The following AFF3 variants were observed in gnomAD, a reference collection of about 807,000 sequenced individuals.
AFF3 encodes the protein ALF transcription elongation factor 3, also known as AF4/FMR2 family member 3.
In AFF3, 32 loss-of-function variants were observed where a neutral mutation model predicts 129.7. The ratio of observed to expected loss-of-function variants is 0.25; its 90% CI spans 0.19 to 0.33. The LOEUF (loss-of-function observed/expected upper bound fraction) is 0.33. Ranked by LOEUF, AFF3 falls within the 10% of genes least tolerant of loss-of-function variation. The pLI is 1.00. For missense variants in AFF3, 1,373 were observed against 1,592.0 expected, an observed-to-expected ratio of 0.86 and a Z score of 2.34; for synonymous variants, 644 against 635.4, an observed-to-expected ratio of 1.01 and a Z score of -0.20.
intron 7 of AFF3, among the ~76,000 whole-genome samples, chr2:99,866,281 A>G (rs1453340760): frequency 1.3e-5 from 2 of 152,230 alleles, no homozygotes; most frequent in African/African-American, 2.4e-5. Context: ...CAAAGCCAAC[A>G]TTGGCAAATT....
chr2:99,934,004 C>G (rs1353872399), intron 7 of AFF3, among the ~76,000 whole-genome samples: 2 of 152,150 alleles, frequency 1.3e-5, no homozygotes, highest in Non-Finnish European at 2.9e-5. Context: ...GCATTACAGG[C>G]TTTGGAGGTA....
intron 1 of AFF3, among the ~76,000 whole-genome samples, chr2:100,131,943 G>C (rs1559139377): frequency 1.3e-5 from 2 of 152,164 alleles, no homozygotes; most frequent in Non-Finnish European, 2.9e-5. Flanking sequence ...GGACATAAAG[G>C]AGTCAGGGTG....
chr2:100,055,020 C>T (rs1686649538), intron 4 of AFF3, among the ~76,000 whole-genome samples: 1 of 152,196 alleles, frequency 6.6e-6, no homozygotes, highest in Non-Finnish European at 1.5e-5. Context: ...TCAATGTAGG[C>T]TGAGATTGCC....
chr2:99,737,701 T>C (rs1380150059), intron 10 of AFF3, among the ~76,000 whole-genome samples: 1 of 151,968 alleles, frequency 6.6e-6, no homozygotes, highest in Non-Finnish European at 1.5e-5. Context: ...TTAATGTCTT[T>C]CAAGTCTGGA....
intron 4 of AFF3, among the ~76,000 whole-genome samples, chr2:100,025,146 C>T (rs1223070626): frequency 6.6e-6 from 1 of 152,016 alleles, no homozygotes; most frequent in Non-Finnish European, 1.5e-5. Flanking sequence ...CTTTCCCTAC[C>T]AGGCTAGGCC....
At position 99,689,069 on chromosome 2, in the gene AFF3, C is replaced by T. The variant is rs571020092; in HGVS notation, c.1092-16480G>A. Among the ~76,000 whole-genome samples, 6 of 152,274 alleles carry T rather than the reference C, an allele frequency of 3.9e-5. No individual in the cohort carries two copies. In the East Asian group the frequency reaches 1.2e-3, roughly 29 times the overall value. ...CAACAAAACTCCTAGCAGTGTCCAT[C>T]TTATTTCTCAAGCTTTTCTTGGAAT... On this transcript the variant is annotated intron_variant, in intron 11 of 24. Transcript: ENST00000672756.
At chr2:99,963,403 A>G (rs1677420103) in intron 7 of AFF3, among the ~76,000 whole-genome samples, 1 of 152,134 alleles carries the variant, frequency 6.6e-6, no homozygotes, top group African/African-American at 2.4e-5. Context: ...GCAGCATCTG[A>G]TGTGGTACAC....
At chr2:100,007,552 G>A in intron 5 of AFF3, 92 bp from the exon 6 acceptor site, 1 of 1,183,722 alleles carries the variant, frequency 8.4e-7, no homozygotes, top group Non-Finnish European at 1.2e-6. Context: ...ACAGAGCCAG[G>A]GTTGTCACAT....
At chr2:99,635,784 C>A (rs982052241) in intron 13 of AFF3, among the ~76,000 whole-genome samples, 1 of 152,118 alleles carries the variant, frequency 6.6e-6, no homozygotes, top group Non-Finnish European at 1.5e-5. Context: ...AGTTTCCCCA[C>A]ATGTAAAATA....
Position 100,062,952 on chromosome 2 carries a change from CAAAAA to C in AFF3, c.53+41445_53+41449del, listed in dbSNP as rs529905991. 1.4e-4 allele frequency among the ~76,000 whole-genome samples: 22 copies of C among 152,150 alleles called. No individual in the cohort carries two copies. In the South Asian group the frequency reaches 4.4e-3, roughly 30 times the overall value. ...AAATAAATAAGTAACAAGTGACTATCAAAAATGACCAGGCAGGGCTGGGTGCAGTG... is the reference window on the plus strand; with the variant it reads ...AAATAAATAAGTAACAAGTGACTATCTGACCAGGCAGGGCTGGGTGCAGTG... On this transcript the variant is annotated intron_variant, in intron 4 of 24. Transcript: ENST00000672756.
chr2:100,060,286 T>A (rs1687163837), intron 4 of AFF3, among the ~76,000 whole-genome samples: 1 of 152,190 alleles, frequency 6.6e-6, no homozygotes, highest in Admixed American at 6.5e-5. Flanking sequence ...GTTACCTCAT[T>A]AGTCACTCAA....
intron 4 of AFF3, among the ~76,000 whole-genome samples, chr2:100,053,233 T>C (rs928143186): frequency 6.6e-6 from 1 of 152,380 alleles, no homozygotes; most frequent in East Asian, 1.9e-4. Context: ...TTGAACTGTG[T>C]TGGGTGTCAG....
intron 2 of AFF3, among the ~76,000 whole-genome samples, chr2:100,127,116 C>A (rs547519412): frequency 6.6e-6 from 1 of 152,224 alleles, no homozygotes; most frequent in South Asian, 2.1e-4. Flanking sequence ...ATTCCATCAT[C>A]TCTAGGAGGT....
chr2:99,733,714 A>C (rs1388887381), intron 10 of AFF3, among the ~76,000 whole-genome samples: 1 of 152,036 alleles, frequency 6.6e-6, no homozygotes, highest in African/African-American at 2.4e-5. Context: ...TTTCTCTATT[A>C]ATCTATATCA....
intron 7 of AFF3, among the ~76,000 whole-genome samples, chr2:99,974,042 T>C (rs375250073): frequency 2.0e-5 from 3 of 152,348 alleles, no homozygotes; most frequent in African/African-American, 7.2e-5. Context: ...TTTTCTGAGC[T>C]GGAAAGGTAA....
chr2:99,643,705 AC>A (rs1558688429), intron 13 of AFF3, among the ~76,000 whole-genome samples: 1 of 151,954 alleles, frequency 6.6e-6, no homozygotes, highest in South Asian at 2.1e-4. Flanking sequence ...GCTGAATCCA[AC>A]CCCCTACACT....
In AFF3 at chr2:99,593,728, C is replaced by A. The variant is rs756370252; in HGVS notation, c.1933G>T (p.Val645Leu). ...ASHRKELRSS[V>L]TCEKRRTRGL... is the part of the protein sequence containing the mutation. The stretch of plus-strand genomic sequence containing the variant: ...CGCGTGCGGCGCTTCTCGCAGGTCA[C>A]GGAGGAGCGCAGCTCCTTGCGGTGG... The change falls in exon 15 of 25, where the codon GTG (valine) becomes TTG (leucine). Residue 645 changes from valine (V) to leucine (L), a missense_variant. Val to Leu is a conservative substitution (Grantham distance 32). This residue lies in a region of AFF3 where 466 missense variants were observed against 505.0 expected (regional missense o/e 0.92). Transcript: ENST00000672756. 1.1e-5 allele frequency: 17 copies of A among 1,612,426 alleles called. No homozygotes were observed. The highest frequency in any genetic ancestry group is 1.3e-5 in the Non-Finnish European group (15 of 1,179,488).
chr2:99,594,762 T>A (rs1006575822), intron 14 of AFF3, among the ~76,000 whole-genome samples: 2 of 152,164 alleles, frequency 1.3e-5, no homozygotes, highest in Non-Finnish European at 2.9e-5. Context: ...CCCAAACAAT[T>A]AACACATGAT....
intron 8 of AFF3, among the ~76,000 whole-genome samples, chr2:99,791,121 G>A (rs542950119): frequency 6.6e-6 from 1 of 152,302 alleles, no homozygotes; most frequent in African/African-American, 2.4e-5. Flanking sequence ...ACAGACCACA[G>A]GCACTTCAGT....
Sources: gnomAD v4.1 joint callset for allele counts (sites outside exome capture counted in the v4.1 genomes callset) on GRCh38, gnomAD v4.1.1 for gene constraint, gnomAD v4.1.1 regional missense constraint, MANE v1.5 for transcripts, NCBI Gene and HGNC (gene_info 2026-07-23, HGNC 2026-07-21) for gene names.